Variants in RDX observed in about 807,000 individuals in gnomAD.
RDX encodes deafness, autosomal recessive 24.
Under a neutral mutation model 83.7 loss-of-function variants are expected in RDX, and 32 were observed. The ratio of observed to expected loss-of-function variants is 0.38; its 90% CI spans 0.29 to 0.51. The LOEUF is 0.51. RDX is among the 20% of genes least tolerant of loss of function. The pLI is 0.87. For synonymous variants in RDX, 229 were observed against 222.7 expected (o/e 1.03, Z -0.25); for missense variants, 600 against 689.9 (o/e 0.87, Z 1.46).
chr11:110,242,181 G>A (rs887280573), intron 10 of RDX, among the ~76,000 whole-genome samples: 7 of 152,088 alleles, frequency 4.6e-5, no homozygotes, highest in Admixed American at 2.0e-4. Flanking sequence ...GGCCGGGCAC[G>A]GTGGCTCATG....
rs376074466 is a variant in RDX, at chr11:110,193,910, T to C, written c.*31+5671A>G. Among the ~76,000 whole-genome samples the C allele has an allele frequency of 7.9e-5, 12 of 152,376 alleles. 1 individual carries two copies. In the South Asian group the frequency reaches 2.1e-3, roughly 26 times the overall value. On this transcript the variant is annotated intron_variant, in intron 15 of 15. Transcript: ENST00000528498. ...CTTACTGCATTATAAACCGAAGCAATTGGTAATTTGTCCCATACATTTTAT... is the reference window on the plus strand; with the variant it reads ...CTTACTGCATTATAAACCGAAGCAACTGGTAATTTGTCCCATACATTTTAT...
chr11:110,236,235 G>C, intron 11 of RDX, 44 bp from the exon 12 acceptor site: 1 of 1,446,776 alleles, frequency 6.9e-7, no homozygotes, highest in Non-Finnish European at 9.7e-7. Context: ...AACATATTTT[G>C]AATAATCTTA....
At chr11:110,221,060 G>A (rs1012059328) in intron 14 of RDX, among the ~76,000 whole-genome samples, 2 of 151,962 alleles carry the variant, frequency 1.3e-5, no homozygotes, top group African/African-American at 2.4e-5. Context: ...CAGTGGCAGC[G>A]ACTGGCTAAA....
intron 13 of RDX, among the ~76,000 whole-genome samples, chr11:110,232,779 TA>T (rs1463713250): frequency 2.0e-5 from 3 of 152,148 alleles, no homozygotes; most frequent in Non-Finnish European, 4.4e-5. Flanking sequence ...CATACCCGGC[TA>T]ATTTTTGTAT....
intron 15 of RDX, among the ~76,000 whole-genome samples, chr11:110,197,087 C>T (rs1863232508): frequency 1.3e-5 from 2 of 151,972 alleles, no homozygotes; most frequent in African/African-American, 4.8e-5. Context: ...TTTTGGAGAG[C>T]CAGGGTTTTG....
At position 110,198,227 on chromosome 11, in the gene RDX, C is replaced by T. The variant is rs141233723; in HGVS notation, c.*31+1354G>A. On this transcript the variant is annotated intron_variant, in intron 15 of 15. Transcript: ENST00000528498. Reference sequence around the variant, plus strand: ...AGTTGGGGGAACTCAAGATTTACAACATAAACAACATTGTTGTGGTTTTAT... The same window carrying T: ...AGTTGGGGGAACTCAAGATTTACAATATAAACAACATTGTTGTGGTTTTAT... Among the ~76,000 whole-genome samples, 46 of 151,252 alleles carry T rather than the reference C, an allele frequency of 3.0e-4. No individual in the cohort carries two copies. In the East Asian group the frequency reaches 8.3e-3, roughly 27 times the overall value.
intron 15 of RDX, among the ~76,000 whole-genome samples, chr11:110,189,090 T>C (rs566948553): frequency 2.7e-4 from 41 of 151,598 alleles, no homozygotes; most frequent in African/African-American, 9.4e-4. Context: ...GACCCATACA[T>C]CTACTATCTT....
rs1863320024 is a variant in RDX, at chr11:110,199,469, G to A, written c.*31+112C>T. ...TGACTTGAAATCCACAGGTCCTGTG[G>A]ATGAACAGGTTCAGATTTTATGAGG... On this transcript the variant is annotated intron_variant, in intron 15 of 15. Coordinates refer to the RDX transcript ENST00000528498. 4.6e-6 allele frequency: 3 copies of A among 657,760 alleles called. No individual in the cohort carries two copies. The Admixed American group carries it at 6.6e-5, about 14-fold the overall frequency. The allele number at this position is 657,760 out of a possible 1,614,324, so 40.7% of individuals were successfully genotyped here. A position where few individuals can be genotyped will look rare whatever the true frequency, so the allele number is the denominator to read the frequency against.
intron 3 of RDX, among the ~76,000 whole-genome samples, chr11:110,269,030 C>T (rs184624945): frequency 5.3e-5 from 8 of 150,372 alleles, no homozygotes; most frequent in Non-Finnish European, 1.5e-5. Context: ...AAGTGCAGAC[C>T]GCAACCTCTA....
At chr11:110,198,284 C>CAAA (rs34264175) in intron 15 of RDX, among the ~76,000 whole-genome samples, 75 of 141,062 alleles carry the variant, frequency 5.3e-4, no homozygotes, top group South Asian at 1.3e-3. Flanking sequence ...TAGTCTCTGC[C>CAAA]AAAAAAAAAA....
At chr11:110,234,943 G>C (rs748350411) in intron 12 of RDX, among the ~76,000 whole-genome samples, 73 of 152,118 alleles carry the variant, frequency 4.8e-4, no homozygotes, top group Non-Finnish European at 1.0e-3. Flanking sequence ...AGTTAATGTT[G>C]TTTGAATTAA....
At chr11:110,192,931 G>C (rs1031264199) in intron 15 of RDX, among the ~76,000 whole-genome samples, 1 of 152,000 alleles carries the variant, frequency 6.6e-6, no homozygotes, top group Non-Finnish European at 1.5e-5. Flanking sequence ...ATATAAATTA[G>C]TTCAGCCACT....
At chr11:110,268,961 T>A in intron 3 of RDX, among the ~76,000 whole-genome samples, 1 of 149,624 alleles carries the variant, frequency 6.7e-6, no homozygotes, top group South Asian at 2.1e-4. Flanking sequence ...AAAATACATA[T>A]TATATATACA....
At chr11:110,232,666 G>A (rs1362063762) in intron 13 of RDX, among the ~76,000 whole-genome samples, 1 of 152,020 alleles carries the variant, frequency 6.6e-6, no homozygotes, top group Non-Finnish European at 1.5e-5. Context: ...TATTGTCCAG[G>A]CTGAAGTGCA....
At chr11:110,199,689 A>T in intron 14 of RDX, 1 of 703,056 alleles carries the variant, frequency 1.4e-6, no homozygotes, top group Non-Finnish European at 2.6e-6. Context: ...CTTTCAAAAG[A>T]GACATTAAGA....
chr11:110,195,739 A>G (rs1863193149), intron 15 of RDX: 4 of 152,204 alleles, frequency 2.6e-5, no homozygotes, highest in African/African-American at 7.2e-5. Flanking sequence ...ATTTTTTGAA[A>G]AAGTGGGAAA....
At chr11:110,194,322 C>T (rs1011418785) in intron 15 of RDX, among the ~76,000 whole-genome samples, 2 of 152,220 alleles carry the variant, frequency 1.3e-5, no homozygotes, top group Non-Finnish European at 2.9e-5. Context: ...CGGGTTCAAG[C>T]GATTCTCCTG....
chr11:110,264,682 A>C, intron 4 of RDX, 97 bp downstream of exon 4: 1 of 829,532 alleles, frequency 1.2e-6, no homozygotes, highest in Admixed American at 2.3e-5. Flanking sequence ...TAACTACAAA[A>C]GGAAGCTTGC....
At chr11:110,241,520 C>T (rs1054556307) in intron 10 of RDX, among the ~76,000 whole-genome samples, 1 of 152,200 alleles carries the variant, frequency 6.6e-6, no homozygotes, top group African/African-American at 2.4e-5. Context: ...TGGTCTCGAA[C>T]TCCCGACCTC....
Sources: gnomAD v4.1 joint callset for allele counts (sites outside exome capture counted in the v4.1 genomes callset) on GRCh38, gnomAD v4.1.1 for gene constraint, MANE v1.5 for transcripts, NCBI Gene and HGNC (gene_info 2026-07-23, HGNC 2026-07-21) for gene names.